FBXL17: variants seen among roughly 807,000 people sequenced by gnomAD.
FBXL17 encodes the protein F-box and leucine rich repeat protein 17.
A neutral mutation model predicts 66.2 loss-of-function variants in FBXL17; 22 were observed. The ratio of observed to expected loss-of-function variants is 0.33; its 90% CI spans 0.24 to 0.47. The LOEUF is 0.47. FBXL17 is among the 20% of genes least tolerant of loss of function. The pLI is 1.00. For missense variants in FBXL17, 878 were observed against 948.2 expected (o/e 0.93, Z 0.97); for synonymous variants, 474 against 400.5 (o/e 1.18, Z -2.19).
chr5:107,868,579 C>A (rs2112484215), intron 8 of FBXL17, among the ~76,000 whole-genome samples: 1 of 152,328 alleles, frequency 6.6e-6, no homozygotes, highest in East Asian at 1.9e-4. Flanking sequence ...AACACTTTCC[C>A]TTGTTACGGA....
chr5:108,257,864 T>TAATC (rs773615742), intron 4 of FBXL17, among the ~76,000 whole-genome samples: 1 of 152,054 alleles, frequency 6.6e-6, no homozygotes, highest in Non-Finnish European at 1.5e-5. Flanking sequence ...GAACTAAGAG[T>TAATC]AATCCTATGA....
intron 6 of FBXL17, among the ~76,000 whole-genome samples, chr5:108,057,144 A>G (rs1400371936): frequency 6.6e-6 from 1 of 152,222 alleles, no homozygotes; most frequent in Non-Finnish European, 1.5e-5. Context: ...TTAAGTAAAA[A>G]GTGTTTGATA....
chr5:108,304,062 C>T (rs1758722665), intron 4 of FBXL17, among the ~76,000 whole-genome samples: 1 of 151,832 alleles, frequency 6.6e-6, no homozygotes, highest in South Asian at 2.1e-4. Flanking sequence ...ACTAATTTAC[C>T]TTTCACAGCC....
chr5:108,091,646 G>A (rs1261133758), intron 6 of FBXL17, among the ~76,000 whole-genome samples: 1 of 152,084 alleles, frequency 6.6e-6, no homozygotes, highest in Admixed American at 6.6e-5. Flanking sequence ...TGGGAATCAG[G>A]CCTTATACTT....
chr5:108,070,990 C>T (rs1748309391), intron 6 of FBXL17, among the ~76,000 whole-genome samples: 1 of 152,186 alleles, frequency 6.6e-6, no homozygotes, highest in African/African-American at 2.4e-5. Context: ...TGCCATAACA[C>T]TTTCATTTTT....
At chr5:108,001,736 G>A (rs1753738618) in intron 7 of FBXL17, among the ~76,000 whole-genome samples, 1 of 151,904 alleles carries the variant, frequency 6.6e-6, no homozygotes, top group South Asian at 2.1e-4. Context: ...TCCTGACCTC[G>A]TGATCCGCCC....
At chr5:108,362,367 T>C (rs530989833) in intron 3 of FBXL17, among the ~76,000 whole-genome samples, 2 of 152,242 alleles carry the variant, frequency 1.3e-5, no homozygotes, top group Non-Finnish European at 2.9e-5. Context: ...ATGCATACAA[T>C]TTCTTAGATA....
chr5:108,251,352 T>C (rs1025824099), intron 4 of FBXL17, among the ~76,000 whole-genome samples: 5 of 152,060 alleles, frequency 3.3e-5, no homozygotes, highest in Admixed American at 1.3e-4. Flanking sequence ...TTCTCATATG[T>C]TTATTCCAAG....
chr5:107,952,756 C>G lies in FBXL17; in HGVS notation c.1822+68169G>C, dbSNP rs547120383. Among the ~76,000 whole-genome samples the G allele has an allele frequency of 2.5e-3, 385 of 152,288 alleles. 1 individual carries two copies. Among genetic ancestry groups the G allele is most frequent in the Non-Finnish European group, 3.2e-3 (221 of 68,018 alleles). On this transcript the variant is annotated intron_variant, in intron 7 of 8. Coordinates refer to ENST00000542267, the MANE Select transcript of FBXL17 (RefSeq NM_001163315.3). ...TAAATGGCATGTTGAAATATTCACA[C>G]ATTCAGATTAAACTATACAGTGTAC...
At chr5:108,198,372 G>C (rs1199087903) in intron 5 of FBXL17, among the ~76,000 whole-genome samples, 1 of 152,030 alleles carries the variant, frequency 6.6e-6, no homozygotes, top group Non-Finnish European at 1.5e-5. Flanking sequence ...TAAATCAGTT[G>C]GGTCATCCAT....
rs553115574 is a variant in FBXL17 at position 108,299,714 on chromosome 5, G to A, written c.1506+48685C>T. On this transcript the variant is annotated intron_variant, in intron 4 of 8. Transcript: ENST00000542267. Reference sequence around the variant, plus strand: ...ATTGGCTGCTTGTCCAGTAATGCCTGGGTCCCTAGGTAAGTTATCCACTCT... The same window carrying A: ...ATTGGCTGCTTGTCCAGTAATGCCTAGGTCCCTAGGTAAGTTATCCACTCT... The A allele has an allele frequency of 3.1e-5, 31 of 984,902 alleles. No individual in the cohort carries two copies. The East Asian group carries it at 2.0e-3, about 65-fold the overall frequency. 61.0% of individuals were successfully genotyped at this position (984,902 alleles called of 1,614,324 possible).
chr5:108,102,302 T>G (rs1749632082), intron 6 of FBXL17, among the ~76,000 whole-genome samples: 1 of 152,292 alleles, frequency 6.6e-6, no homozygotes, highest in South Asian at 2.1e-4. Flanking sequence ...AAATTAAGAA[T>G]ATAACTTATT....
At chr5:107,897,208 G>A (rs1749413022) in intron 7 of FBXL17, among the ~76,000 whole-genome samples, 1 of 152,042 alleles carries the variant, frequency 6.6e-6, no homozygotes, top group African/African-American at 2.4e-5. Context: ...GATTTTTAAT[G>A]TAGATGAAAG....
intron 4 of FBXL17, among the ~76,000 whole-genome samples, chr5:108,319,349 A>G (rs545014366): frequency 6.6e-6 from 1 of 152,006 alleles, no homozygotes; most frequent in South Asian, 2.1e-4. Flanking sequence ...GCAAAAGTTA[A>G]ATATCTTATT....
chr5:107,882,937 A>G (rs1193229898), intron 7 of FBXL17, among the ~76,000 whole-genome samples: 1 of 152,208 alleles, frequency 6.6e-6, no homozygotes, highest in Non-Finnish European at 1.5e-5. Context: ...CTGGACTATC[A>G]CAGCCTGCTT....
chr5:108,151,697 T>A (rs1248755259), intron 6 of FBXL17, among the ~76,000 whole-genome samples: 1 of 152,140 alleles, frequency 6.6e-6, no homozygotes, highest in Admixed American at 6.5e-5. Context: ...AATCTTTCTA[T>A]TACGCAAAAT....
intron 4 of FBXL17, among the ~76,000 whole-genome samples, chr5:108,326,836 T>C (rs573073371): frequency 4.6e-5 from 7 of 152,186 alleles, no homozygotes; most frequent in South Asian, 2.1e-4. Flanking sequence ...GGTAGCGACA[T>C]AGTAGTCCAA....
At chr5:107,939,231 T>C (rs910874107) in intron 7 of FBXL17, among the ~76,000 whole-genome samples, 2 of 152,150 alleles carry the variant, frequency 1.3e-5, no homozygotes, top group African/African-American at 2.4e-5. Context: ...AATATGTAGG[T>C]AAAAATGTCG....
At chr5:108,023,713 AC>A (rs1372943016) in intron 6 of FBXL17, among the ~76,000 whole-genome samples, 1 of 152,116 alleles carries the variant, frequency 6.6e-6, no homozygotes, top group Non-Finnish European at 1.5e-5. Flanking sequence ...TCTAGTCATA[AC>A]CTTTGGTGTA....
Sources: allele counts gnomAD v4.1 joint callset (sites outside exome capture counted in the v4.1 genomes callset), GRCh38; gene constraint gnomAD v4.1.1; transcripts MANE v1.5; gene names NCBI Gene and HGNC (gene_info 2026-07-23, HGNC 2026-07-21).